MMP26: variants seen among roughly 807,000 people sequenced by gnomAD.
MMP26 encodes matrix metallopeptidase 26, also known as matrix metalloproteinase-26.
In MMP26, 33 loss-of-function variants were observed where a neutral mutation model predicts 31.0. That is an observed-to-expected ratio of 1.06 (90% CI 0.81 to 1.42). The LOEUF (loss-of-function observed/expected upper bound fraction) is 1.42, where lower values mean the gene tolerates loss of function less well. MMP26 is among the 40% of genes most tolerant of loss of function. The pLI is 0.00. For missense variants in MMP26, 347 were observed against 316.1 expected (o/e 1.10, Z -0.74); for synonymous variants, 122 against 114.9 (o/e 1.06, Z -0.40).
In MMP26 at chr11:4,717,735, G is replaced by A. The variant is rs570049773; in HGVS notation, c.-217+12690G>A. Among the ~76,000 whole-genome samples the A allele has an allele frequency of 1.5e-4, 23 of 152,232 alleles. No homozygotes were observed. The South Asian group carries it at 4.6e-3, about 30-fold the overall frequency. ...ACGTTAATCTTCACAACAGTCCTGT[G>A]GATATGCATACCATTGTTACTTTAG... On this transcript the variant is annotated intron_variant, in intron 1 of 7. Coordinates refer to ENST00000380390, the MANE Select transcript of MMP26 (RefSeq NM_021801.5).
At chr11:4,955,792 T>G in intron 2 of MMP26, 4 of 1,299,222 alleles carry the variant, frequency 3.1e-6, no homozygotes, top group Non-Finnish European at 4.3e-6. Flanking sequence ...GTTGGTAAAA[T>G]AGGCATATCT....
At chr11:4,806,581 C>A (rs1400202431) in intron 2 of MMP26, among the ~76,000 whole-genome samples, 1 of 152,040 alleles carries the variant, frequency 6.6e-6, no homozygotes, top group Non-Finnish European at 1.5e-5. Flanking sequence ...CTTGGTAAAT[C>A]TTCCTCCATC....
chr11:4,793,435 A>G (rs1382092899), intron 2 of MMP26, among the ~76,000 whole-genome samples: 1 of 152,190 alleles, frequency 6.6e-6, no homozygotes, highest in East Asian at 1.9e-4. Context: ...GCTCTAATTA[A>G]CGTAAATGAA....
chr11:4,763,025 T>C (rs1004837984), intron 1 of MMP26, among the ~76,000 whole-genome samples: 1 of 152,154 alleles, frequency 6.6e-6, no homozygotes, highest in Non-Finnish European at 1.5e-5. Context: ...CAAGAGAAAA[T>C]AATTAAGCCT....
At chr11:4,938,237 T>A (rs1171883956) in intron 2 of MMP26, 1 of 152,204 alleles carries the variant, frequency 6.6e-6, no homozygotes, top group Non-Finnish European at 1.5e-5. Context: ...TCCAGTCCAG[T>A]GATCCCGATA....
intron 2 of MMP26, among the ~76,000 whole-genome samples, chr11:4,842,526 C>T (rs959952410): frequency 6.6e-6 from 1 of 152,104 alleles, no homozygotes; most frequent in South Asian, 2.1e-4. Context: ...AGGGAAGTGC[C>T]ACACACTTTT....
chr11:4,921,136 G>A (rs1851176920), intron 2 of MMP26, among the ~76,000 whole-genome samples: 1 of 152,216 alleles, frequency 6.6e-6, no homozygotes, highest in Non-Finnish European at 1.5e-5. Flanking sequence ...CATAGGCGCA[G>A]CTTGTAGGAC....
rs919261434 is a variant in MMP26 at position 4,743,171 on chromosome 11, C to T, written c.-216-24099C>T. Among the ~76,000 whole-genome samples, 3 of 152,056 alleles carry T rather than the reference C, an allele frequency of 2.0e-5. No homozygotes were observed. In the South Asian group the frequency reaches 6.2e-4, roughly 32 times the overall value. ...GCAAGTGTTTATGTGATTTTCTTTT[C>T]CCTCAACAGCTGTATACTGTCACTG... On this transcript the variant is annotated intron_variant, in intron 1 of 7. Coordinates refer to ENST00000380390, the MANE Select transcript of MMP26 (RefSeq NM_021801.5).
intron 1 of MMP26, chr11:4,723,358 G>T (rs548470022): frequency 6.1e-5 from 59 of 966,484 alleles, no homozygotes; most frequent in Admixed American, 5.4e-4. Context: ...CTCAGCCTCC[G>T]CCCGGCTGCG....
chr11:4,908,507 G>A (rs1195436225), intron 2 of MMP26: 1 of 595,644 alleles, frequency 1.7e-6, no homozygotes, highest in Non-Finnish European at 3.0e-6. Context: ...AGATATAGAG[G>A]TTTAATTAAC....
At chr11:4,818,999 T>C (rs1019476531) in intron 2 of MMP26, among the ~76,000 whole-genome samples, 1 of 152,150 alleles carries the variant, frequency 6.6e-6, no homozygotes, top group Admixed American at 6.5e-5. Context: ...GGAAGAGGTG[T>C]TGGTTAAAAA....
chr11:4,884,066 T>C (rs150295507), intron 2 of MMP26, among the ~76,000 whole-genome samples: 1 of 152,274 alleles, frequency 6.6e-6, no homozygotes, highest in Non-Finnish European at 1.5e-5. Flanking sequence ...CTGACAACTT[T>C]GTGATTTTGC....
intron 2 of MMP26, among the ~76,000 whole-genome samples, chr11:4,979,632 G>A (rs1006960035): frequency 6.6e-6 from 1 of 152,130 alleles, no homozygotes; most frequent in African/African-American, 2.4e-5. Context: ...CATACCCCAG[G>A]GTGGCTGATG....
chr11:4,925,782 A>T (rs1177840129), intron 2 of MMP26, among the ~76,000 whole-genome samples: 3 of 152,090 alleles, frequency 2.0e-5, no homozygotes, highest in African/African-American at 7.2e-5. Flanking sequence ...AAAAAAAAAA[A>T]AAATGAAGTA....
intron 2 of MMP26, chr11:4,821,527 CT>C: frequency 6.2e-7 from 1 of 1,611,800 alleles, no homozygotes; most frequent in Non-Finnish European, 8.5e-7. Context: ...TTTTTGTCTC[CT>C]ATATGTTGTT....
At chr11:4,788,633 A>G (rs537359760) in intron 2 of MMP26, among the ~76,000 whole-genome samples, 2 of 152,284 alleles carry the variant, frequency 1.3e-5, no homozygotes, top group South Asian at 2.1e-4. Context: ...AGCAATTACA[A>G]CACAGTTGGC....
chr11:4,988,430 T>C lies in MMP26; in HGVS notation c.99+120T>C, dbSNP rs902082541. The C allele has an allele frequency of 6.4e-6, 5 of 784,566 alleles. No homozygotes were observed. In the African/African-American group the frequency reaches 8.5e-5, roughly 13 times the overall value. 48.6% of individuals were successfully genotyped at this position (784,566 alleles called of 1,614,324 possible). On this transcript the variant is annotated intron_variant, in intron 3 of 7. Coordinates refer to ENST00000380390, the MANE Select transcript of MMP26 (RefSeq NM_021801.5). ...TAAATACACACATTAATATTACACATGAAAACATTTTATTCTATCTATGTG... is the reference window on the plus strand; with the variant it reads ...TAAATACACACATTAATATTACACACGAAAACATTTTATTCTATCTATGTG...
intron 2 of MMP26, chr11:4,769,054 C>T (rs150702137): frequency 1.3e-4 from 197 of 1,554,032 alleles, no homozygotes; most frequent in Admixed American, 9.4e-5. Context: ...TGGGGTTGAG[C>T]ACAGGGGGTA....
intron 2 of MMP26, among the ~76,000 whole-genome samples, chr11:4,975,517 T>C (rs955019120): frequency 5.3e-5 from 8 of 152,208 alleles, no homozygotes; most frequent in Admixed American, 1.3e-4. Flanking sequence ...ATTTATTCCA[T>C]ATGGCTGAAT....
Sources: allele counts gnomAD v4.1 joint callset (sites outside exome capture counted in the v4.1 genomes callset), GRCh38; gene constraint gnomAD v4.1.1; transcripts MANE v1.5; gene names NCBI Gene and HGNC (gene_info 2026-07-23, HGNC 2026-07-21).